The following FOXP1 variants were observed in gnomAD, a reference collection of about 807,000 sequenced individuals.
FOXP1 encodes forkhead box protein P1.
In FOXP1, 15 loss-of-function variants were observed where a neutral mutation model predicts 98.2. The observed-to-expected ratio is 0.15, with a 90% CI of 0.10 to 0.24. The LOEUF is 0.24. Ranked by LOEUF, FOXP1 falls within the 10% of genes least tolerant of loss-of-function variation. FOXP1 has a pLI of 1.00. For missense variants in FOXP1, 633 were observed against 848.5 expected (o/e 0.75, Z 3.15); for synonymous variants, 371 against 314.5 (o/e 1.18, Z -1.90).
intron 11 of FOXP1, among the ~76,000 whole-genome samples, chr3:71,030,829 A>AT (rs1287097899): frequency 6.6e-6 from 1 of 152,046 alleles, no homozygotes; most frequent in Non-Finnish European, 1.5e-5. Flanking sequence ...GTAAACTGCC[A>AT]TTTTTCTCTC....
chr3:71,468,115 A>G (rs983507373), intron 3 of FOXP1, among the ~76,000 whole-genome samples: 1 of 151,958 alleles, frequency 6.6e-6, no homozygotes, highest in Non-Finnish European at 1.5e-5. Flanking sequence ...TCCTTGGAGA[A>G]GCAATGTTTT....
intron 6 of FOXP1, among the ~76,000 whole-genome samples, chr3:71,188,616 C>T (rs2062789609): frequency 6.6e-6 from 1 of 152,056 alleles, no homozygotes. Flanking sequence ...TGGGGTTTCG[C>T]CATGTTGGCT....
chr3:71,328,959 G>A (rs772630923), intron 4 of FOXP1, among the ~76,000 whole-genome samples: 16 of 111,490 alleles, frequency 1.4e-4, no homozygotes, highest in Admixed American at 6.4e-4. Flanking sequence ...CAACAAGAGC[G>A]AAACTCCATC....
At chr3:71,076,170 T>C (rs970971836) in intron 7 of FOXP1, among the ~76,000 whole-genome samples, 1 of 152,206 alleles carries the variant, frequency 6.6e-6, no homozygotes, top group Non-Finnish European at 1.5e-5. Context: ...CCAGAAAGGC[T>C]GGCTTTCAAT....
chr3:71,242,559 C>T (rs1036502389), intron 5 of FOXP1, among the ~76,000 whole-genome samples: 8 of 152,158 alleles, frequency 5.3e-5, no homozygotes, highest in Non-Finnish European at 1.0e-4. Context: ...TGTTTCCAAA[C>T]CTTTTTGTTA....
At chr3:71,314,543 A>G (rs2074940771) in intron 4 of FOXP1, among the ~76,000 whole-genome samples, 1 of 150,562 alleles carries the variant, frequency 6.6e-6, no homozygotes, top group African/African-American at 2.4e-5. Context: ...ATATATATAT[A>G]TATATATATC....
chr3:71,309,784 GACC>G (rs1255452669), intron 4 of FOXP1, among the ~76,000 whole-genome samples: 4 of 151,800 alleles, frequency 2.6e-5, no homozygotes, highest in Non-Finnish European at 5.9e-5. Flanking sequence ...TTCTTTGAAA[GACC>G]ACCAAGAACC....
intron 11 of FOXP1, among the ~76,000 whole-genome samples, chr3:71,028,500 C>T (rs1379465220): frequency 6.6e-6 from 1 of 152,196 alleles, no homozygotes; most frequent in Non-Finnish European, 1.5e-5. Flanking sequence ...TTGAGATGTA[C>T]TTGTAGCAGA....
chr3:71,559,033 T>G (rs2046354031), intron 2 of FOXP1, among the ~76,000 whole-genome samples: 1 of 152,182 alleles, frequency 6.6e-6, no homozygotes, highest in South Asian at 2.1e-4. Context: ...CTCAATCTCC[T>G]GACCTTGTGA....
chr3:71,506,063 A>G (rs897906807), intron 2 of FOXP1, among the ~76,000 whole-genome samples: 4 of 152,344 alleles, frequency 2.6e-5, no homozygotes, highest in Non-Finnish European at 4.4e-5. Context: ...CCGGGAGTAC[A>G]TGATTAATTG....
chr3:71,382,175 G>A (rs1025723807), intron 3 of FOXP1, among the ~76,000 whole-genome samples: 2 of 152,018 alleles, frequency 1.3e-5, no homozygotes, highest in Non-Finnish European at 2.9e-5. Flanking sequence ...CTTGGGAAGC[G>A]GAGGTGGGAG....
chr3:71,533,440 C>A (rs1468017576), intron 2 of FOXP1, among the ~76,000 whole-genome samples: 1 of 152,100 alleles, frequency 6.6e-6, no homozygotes, highest in Admixed American at 6.5e-5. Context: ...ACTTTATTGT[C>A]AGAATACAGC....
chr3:71,581,617 G>A lies in FOXP1; in HGVS notation c.-366C>T, dbSNP rs2048176219. 3 of 985,630 alleles carry A rather than the reference G, an allele frequency of 3.0e-6. No homozygotes were observed. Among genetic ancestry groups the A allele is most frequent in the Non-Finnish European group, 1.2e-6 (1 of 830,056 alleles). 61.1% of individuals were successfully genotyped at this position (985,630 alleles called of 1,614,324 possible). Reference sequence around the variant, plus strand: ...GCGGAGGAGGCGCCGGCAGCACCATGGTCCCCGGCGCCGCTGCCGCTGCCC... The same window carrying A: ...GCGGAGGAGGCGCCGGCAGCACCATAGTCCCCGGCGCCGCTGCCGCTGCCC... On this transcript the variant is annotated 5_prime_UTR_variant, in exon 2 of 21. Transcript: ENST00000649528.
intron 3 of FOXP1, among the ~76,000 whole-genome samples, chr3:71,406,605 A>G (rs1244762370): frequency 6.6e-6 from 1 of 151,574 alleles, no homozygotes; most frequent in Non-Finnish European, 1.5e-5. Flanking sequence ...GTTCGCCGAG[A>G]TACTCCAAGA....
chr3:71,451,231 T>G (rs978247531), intron 3 of FOXP1, among the ~76,000 whole-genome samples: 3 of 152,210 alleles, frequency 2.0e-5, no homozygotes, highest in Non-Finnish European at 4.4e-5. Context: ...ATCATTCACT[T>G]ACTGGCCGGC....
intron 6 of FOXP1, among the ~76,000 whole-genome samples, chr3:71,190,747 A>C (rs1051490101): frequency 6.6e-6 from 1 of 152,120 alleles, no homozygotes; most frequent in Non-Finnish European, 1.5e-5. Flanking sequence ...GCCCACTTGC[A>C]ACAAAGCTGA....
chr3:71,437,705 C>T (rs2085496287), intron 3 of FOXP1, among the ~76,000 whole-genome samples: 1 of 152,186 alleles, frequency 6.6e-6, no homozygotes, highest in Non-Finnish European at 1.5e-5. Flanking sequence ...GGAGCATGAA[C>T]TTCCGAGTCT....
intron 6 of FOXP1, among the ~76,000 whole-genome samples, chr3:71,150,211 T>G (rs1464448961): frequency 6.6e-6 from 1 of 152,064 alleles, no homozygotes; most frequent in Non-Finnish European, 1.5e-5. Context: ...AATCAACGAG[T>G]ACTAGGGAGG....
intron 4 of FOXP1, among the ~76,000 whole-genome samples, chr3:71,325,358 C>A (rs1017929170): frequency 6.6e-6 from 1 of 152,262 alleles, no homozygotes. Flanking sequence ...CAGCCAATCC[C>A]TTGATATTTA....
Sources: gnomAD v4.1 joint callset for allele counts (sites outside exome capture counted in the v4.1 genomes callset) on GRCh38, gnomAD v4.1.1 for gene constraint, MANE v1.5 for transcripts, NCBI Gene and HGNC (gene_info 2026-07-23, HGNC 2026-07-21) for gene names.